Variants in APBB1IP observed in about 807,000 individuals in gnomAD.
APBB1IP encodes the protein amyloid beta precursor protein binding family B member 1 interacting protein.
Under a neutral mutation model 64.9 loss-of-function variants are expected in APBB1IP, and 27 were observed. The ratio of observed to expected loss-of-function variants is 0.42; its 90% CI spans 0.31 to 0.57. APBB1IP has a LOEUF of 0.57. Ranked by LOEUF, APBB1IP falls within the 20% of genes least tolerant of loss-of-function variation. The pLI is 0.20. For missense variants in APBB1IP, 812 were observed against 845.5 expected, an observed-to-expected ratio of 0.96 and a Z score of 0.49; for synonymous variants, 392 against 331.0, an observed-to-expected ratio of 1.18 and a Z score of -2.00.
chr10:26,493,668 T>G (rs1479621249), intron 3 of APBB1IP, among the ~76,000 whole-genome samples: 6 of 152,116 alleles, frequency 3.9e-5, no homozygotes, highest in Non-Finnish European at 8.8e-5. Context: ...TTCTTTTGAG[T>G]TCAGTTAATT....
intron 8 of APBB1IP, among the ~76,000 whole-genome samples, chr10:26,528,763 C>T (rs1210779141): frequency 6.6e-6 from 1 of 152,078 alleles, no homozygotes; most frequent in African/African-American, 2.4e-5. Flanking sequence ...ATAGCAAGAC[C>T]CCATCTCTAC....
At chr10:26,549,948 T>C (rs931033170) in intron 11 of APBB1IP, among the ~76,000 whole-genome samples, 3 of 152,118 alleles carry the variant, frequency 2.0e-5, no homozygotes, top group African/African-American at 7.2e-5. Flanking sequence ...GATTGTTTAT[T>C]TGAGAGCTTT....
chr10:26,554,493 C>T (rs904612187), intron 11 of APBB1IP, among the ~76,000 whole-genome samples: 1 of 152,176 alleles, frequency 6.6e-6, no homozygotes, highest in African/African-American at 2.4e-5. Flanking sequence ...TATCTTCTTT[C>T]TTTGTCTTTG....
At chr10:26,475,411 G>A (rs757440934) in intron 2 of APBB1IP, among the ~76,000 whole-genome samples, 27 of 152,166 alleles carry the variant, frequency 1.8e-4, no homozygotes, top group Admixed American at 4.6e-4. Flanking sequence ...CGGAGCCGCC[G>A]TGCCTGGCCT....
chr10:26,561,304 G>C (rs1417065697), intron 13 of APBB1IP, among the ~76,000 whole-genome samples: 1 of 150,112 alleles, frequency 6.7e-6, no homozygotes, highest in African/African-American at 2.4e-5. Flanking sequence ...TCCTGACCTC[G>C]TGATGCACCT....
chr10:26,562,436 C>G lies in APBB1IP; in HGVS notation c.1473+7C>G, dbSNP rs201466636. ...ACATGCTGAAACATCGAAGGTAAAA[C>G]CAGCAAGCAGCTGACCCCTATAAGC... On this transcript the variant is annotated splice_region_variant and intron_variant, in intron 14 of 14. Transcript: ENST00000376236. 1 of 1,610,906 alleles carries G rather than the reference C, an allele frequency of 6.2e-7. No homozygotes were observed. The highest frequency in any genetic ancestry group is 2.2e-5 in the East Asian group (1 of 44,838).
intron 8 of APBB1IP, among the ~76,000 whole-genome samples, chr10:26,530,319 T>C (rs1190219335): frequency 6.6e-6 from 1 of 150,698 alleles, no homozygotes; most frequent in African/African-American, 2.4e-5. Flanking sequence ...TGCCTCAGCC[T>C]CTGGAGTAGC....
At chr10:26,495,588 G>A (rs558721713) in intron 3 of APBB1IP, among the ~76,000 whole-genome samples, 2 of 149,702 alleles carry the variant, frequency 1.3e-5, no homozygotes, top group East Asian at 3.9e-4. Flanking sequence ...GGGCAGCATA[G>A]TAAGACCCCC....
intron 2 of APBB1IP, among the ~76,000 whole-genome samples, chr10:26,472,240 A>C (rs1835726530): frequency 6.6e-6 from 1 of 152,242 alleles, no homozygotes; most frequent in Non-Finnish European, 1.5e-5. Flanking sequence ...ATATCTTGAA[A>C]AGAAGAGCAA....
chr10:26,459,120 T>C (rs1027909675), intron 2 of APBB1IP, among the ~76,000 whole-genome samples: 47 of 123,256 alleles, frequency 3.8e-4, no homozygotes, highest in Admixed American at 2.4e-3. Flanking sequence ...CCCCAGAGTG[T>C]GATGTTCCCC....
chr10:26,557,538 C>T (rs1034713935), intron 11 of APBB1IP, among the ~76,000 whole-genome samples: 2 of 152,202 alleles, frequency 1.3e-5, no homozygotes, highest in Non-Finnish European at 2.9e-5. Context: ...TCCGTAGTCT[C>T]TTCCAAGTCT....
intron 8 of APBB1IP, among the ~76,000 whole-genome samples, chr10:26,530,741 G>C (rs1367055347): frequency 6.6e-6 from 1 of 152,012 alleles, no homozygotes; most frequent in Non-Finnish European, 1.5e-5. Context: ...AATCGGCCTT[G>C]GGAAAATCAC....
chr10:26,504,200 T>C (rs1212057931), intron 6 of APBB1IP, among the ~76,000 whole-genome samples: 1 of 152,240 alleles, frequency 6.6e-6, no homozygotes, highest in Non-Finnish European at 1.5e-5. Flanking sequence ...GTCCAAGTTA[T>C]ATCCCAGGGT....
At chr10:26,485,092 G>A (rs1432226379) in intron 2 of APBB1IP, among the ~76,000 whole-genome samples, 7 of 152,156 alleles carry the variant, frequency 4.6e-5, no homozygotes, top group Admixed American at 2.6e-4. Context: ...AAATAGATGT[G>A]AGCCCCAGTG....
chr10:26,520,994 A>G (rs1159870661), intron 8 of APBB1IP, among the ~76,000 whole-genome samples: 1 of 152,262 alleles, frequency 6.6e-6, no homozygotes, highest in Non-Finnish European at 1.5e-5. Context: ...TTAATTAGGA[A>G]GGAATTCCAA....
rs1470447842 is a variant in APBB1IP at position 26,488,010 on chromosome 10, T to C, written c.1-4317T>C. On this transcript the variant is annotated intron_variant, in intron 2 of 14. Coordinates refer to ENST00000376236, the MANE Select transcript of APBB1IP (RefSeq NM_019043.4). ...TAACACCAATAATTACTCTTAATAA[T>C]AATTCATCTGAAGGATTCCTTTATT... Among the ~76,000 whole-genome samples the C allele has an allele frequency of 2.6e-5, 4 of 152,222 alleles. No individual in the cohort carries two copies. In the East Asian group the frequency reaches 7.7e-4, roughly 29 times the overall value.
chr10:26,560,761 G>A lies in APBB1IP; in HGVS notation c.1286G>A (p.Arg429Gln), dbSNP rs370621308. The A allele has an allele frequency of 3.6e-5, 57 of 1,603,148 alleles. No individual in the cohort carries two copies. The highest frequency in any genetic ancestry group is 4.5e-5 in the East Asian group (2 of 44,724). Residue 429 changes from arginine (R) to glutamine (Q), a missense_variant, in exon 13 of 15, where the codon CGG (arginine) becomes CAG (glutamine). By Grantham distance (43) the Arg-to-Gln change is conservative (BLOSUM62 1). Coordinates refer to ENST00000376236, the MANE Select transcript of APBB1IP (RefSeq NM_019043.4). ...YGKTLYDNYQ[R>Q]AVAKAGLASR... ...AAGACTCTCTATGATAACTACCAGCGGGCTGTGGCAAAGGCTGGACTTGCC... is the reference window on the plus strand; with the variant it reads ...AAGACTCTCTATGATAACTACCAGCAGGCTGTGGCAAAGGCTGGACTTGCC...
chr10:26,562,338 G>A lies in APBB1IP; in HGVS notation c.1382G>A (p.Gly461Asp), dbSNP rs747691466. 1.3e-4 allele frequency: 210 copies of A among 1,613,378 alleles called. 4 individuals are homozygous for A. In the South Asian group the frequency reaches 2.2e-3, roughly 17 times the overall value. The stretch of plus-strand genomic sequence containing the variant: ...TCTTCCCTCTCAGGACCTAAAACAG[G>A]CACCACCCAGCCCAATGGACAGATT... ...PAQPSTGPKTGTTQPNGQIPQ... is the reference protein window; with the variant it reads ...PAQPSTGPKTDTTQPNGQIPQ... The change falls in exon 14 of 15, where the codon GGC (glycine) becomes GAC (aspartate). Residue 461 changes from glycine to aspartate, a missense_variant. Around this residue, in one of 3 missense-constraint regions of APBB1IP, gnomAD observed 381 missense variants for 352.1 expected, o/e 1.08. Coordinates refer to ENST00000376236, the MANE Select transcript of APBB1IP (RefSeq NM_019043.4).
intron 9 of APBB1IP, among the ~76,000 whole-genome samples, chr10:26,534,673 C>G (rs940752455): frequency 2.0e-5 from 3 of 152,178 alleles, no homozygotes; most frequent in Non-Finnish European, 2.9e-5. Context: ...GCTACCAGAA[C>G]CAGCTGCCAC....
Sources: gnomAD v4.1 joint callset for allele counts (sites outside exome capture counted in the v4.1 genomes callset) on GRCh38, gnomAD v4.1.1 for gene constraint, gnomAD v4.1.1 regional missense constraint, MANE v1.5 for transcripts, NCBI Gene and HGNC (gene_info 2026-07-23, HGNC 2026-07-21) for gene names.